ZZZ3: variants seen among roughly 807,000 people sequenced by gnomAD.
ZZZ3 encodes ZZ-type zinc finger-containing protein 3.
Under a neutral mutation model 95.2 loss-of-function variants are expected in ZZZ3, and 22 were observed. The ratio of observed to expected loss-of-function variants is 0.23; its 90% CI spans 0.17 to 0.33. The LOEUF is 0.33. Among genes scored for constraint, ZZZ3 ranks in the 10% least tolerant of loss-of-function variants. The pLI is 1.00. For synonymous variants in ZZZ3, 335 were observed against 358.9 expected (o/e 0.93, Z 0.75); for missense variants, 885 against 1,066.5 (o/e 0.83, Z 2.37).
At chr1:77,582,211 G>T in intron 6 of ZZZ3, 85 bp from the exon 7 acceptor site, 2 of 1,296,902 alleles carry the variant, frequency 1.5e-6, no homozygotes, top group South Asian at 1.6e-5. Flanking sequence ...ATTTTCAGAT[G>T]ACTCCAAATC....
intron 1 of ZZZ3, 90 bp downstream of exon 1, chr1:77,682,495 C>T (rs1305351830): frequency 1.3e-5 from 2 of 152,376 alleles, no homozygotes; most frequent in Non-Finnish European, 2.9e-5. Flanking sequence ...AATGGGGTTA[C>T]TGTATTCCCT....
At chr1:77,639,246 C>A (rs1313949068) in intron 4 of ZZZ3, among the ~76,000 whole-genome samples, 2 of 151,670 alleles carry the variant, frequency 1.3e-5, no homozygotes, top group East Asian at 1.9e-4. Context: ...TTCATTTATA[C>A]CCCATTGAAA....
intron 5 of ZZZ3, among the ~76,000 whole-genome samples, chr1:77,625,998 AAAAAAAAAG>A (rs918103284): frequency 4.6e-5 from 7 of 151,000 alleles, no homozygotes; most frequent in South Asian, 2.1e-4. Context: ...CCCTGTCTCA[AAAAAAAAAG>A]AAAAAAAAGA....
chr1:77,638,512 G>A (rs1668491941), intron 4 of ZZZ3, among the ~76,000 whole-genome samples: 1 of 152,118 alleles, frequency 6.6e-6, no homozygotes, highest in African/African-American at 2.4e-5. Flanking sequence ...TTACTTAAGA[G>A]AAAGAAATTT....
chr1:77,592,950 G>A (rs975883200), intron 5 of ZZZ3, among the ~76,000 whole-genome samples: 2 of 152,182 alleles, frequency 1.3e-5, no homozygotes, highest in Admixed American at 1.3e-4. Context: ...ATGGAAACCA[G>A]AAAGATAAAA....
intron 5 of ZZZ3, among the ~76,000 whole-genome samples, chr1:77,622,384 A>G (rs1666961806): frequency 6.6e-6 from 1 of 151,684 alleles, no homozygotes; most frequent in African/African-American, 2.4e-5. Context: ...AAAAAAAAAA[A>G]AAAACCTGAA....
intron 11 of ZZZ3, among the ~76,000 whole-genome samples, chr1:77,577,240 C>T (rs1662050445): frequency 1.3e-5 from 2 of 152,154 alleles, no homozygotes; most frequent in Non-Finnish European, 2.9e-5. Context: ...AAATACAGTA[C>T]ACCTAAGGGA....
At chr1:77,570,304 C>T (rs1391080041) in intron 12 of ZZZ3, among the ~76,000 whole-genome samples, 8 of 152,282 alleles carry the variant, frequency 5.3e-5, no homozygotes, top group African/African-American at 1.4e-4. Flanking sequence ...GGGGTTTCAC[C>T]GTGTTAGCCG....
intron 5 of ZZZ3, among the ~76,000 whole-genome samples, chr1:77,588,961 C>A (rs1301206566): frequency 6.6e-6 from 1 of 152,188 alleles, no homozygotes; most frequent in African/African-American, 2.4e-5. Context: ...CTCAATGCAG[C>A]CTCTACCTCT....
At chr1:77,599,962 T>G (rs950023509) in intron 5 of ZZZ3, among the ~76,000 whole-genome samples, 1 of 152,132 alleles carries the variant, frequency 6.6e-6, no homozygotes, top group African/African-American at 2.4e-5. Flanking sequence ...AGATGTTATT[T>G]TCTTTTGCAT....
rs10581619 is a variant in ZZZ3, at chr1:77,568,471, CAAA to C, written c.2332-8_2332-6del. 85,038 of 581,770 alleles carry C rather than the reference CAAA, an allele frequency of 0.15. 389 individuals are homozygous for C. The highest frequency in any genetic ancestry group is 0.16 in the Non-Finnish European group (66,446 of 425,234). The allele number at this position is 581,770 out of a possible 1,614,324, so 36.0% of individuals were successfully genotyped here. On this transcript the variant is annotated splice_region_variant and splice_polypyrimidine_tract_variant and intron_variant, in intron 12 of 14. Transcript: ENST00000370801. ...GATAGGAATACTTTCGTCATCCTATCAAAAAAAAAAAAAAAAAAAAATGTTGGT... is the reference window on the plus strand; with the variant it reads ...GATAGGAATACTTTCGTCATCCTATCAAAAAAAAAAAAAAAAAATGTTGGT...
intron 6 of ZZZ3, among the ~76,000 whole-genome samples, chr1:77,582,562 T>A (rs1176406214): frequency 6.6e-5 from 10 of 151,944 alleles, no homozygotes. Context: ...ATAGGCAAAT[T>A]GAGTTGGCAT....
intron 5 of ZZZ3, among the ~76,000 whole-genome samples, chr1:77,615,533 T>C (rs1214693220): frequency 6.6e-6 from 1 of 152,236 alleles, no homozygotes; most frequent in African/African-American, 2.4e-5. Flanking sequence ...CTAGAATTCT[T>C]TAGAGCCAAA....
intron 5 of ZZZ3, among the ~76,000 whole-genome samples, chr1:77,610,192 G>C (rs1665652834): frequency 6.7e-6 from 1 of 148,808 alleles, no homozygotes; most frequent in African/African-American, 2.5e-5. Context: ...AGGATCATTA[G>C]AGCAACTAAT....
chr1:77,594,985 C>CAAAGTAT (rs1271144059), intron 5 of ZZZ3, among the ~76,000 whole-genome samples: 1 of 148,012 alleles, frequency 6.8e-6, no homozygotes, highest in Admixed American at 6.7e-5. Context: ...TACTATGAGG[C>CAAAGTAT]AAAGTATAAA....
chr1:77,574,353 G>A (rs897523443), intron 12 of ZZZ3, among the ~76,000 whole-genome samples: 2 of 151,952 alleles, frequency 1.3e-5, no homozygotes, highest in East Asian at 1.9e-4. Flanking sequence ...TTTTTAACCC[G>A]CAGAAAGGAG....
intron 1 of ZZZ3, among the ~76,000 whole-genome samples, chr1:77,644,142 T>C (rs1669045026): frequency 6.6e-6 from 1 of 152,084 alleles, no homozygotes; most frequent in African/African-American, 2.4e-5. Flanking sequence ...CTCGACTCAA[T>C]GCAGCCTCTG....
intron 9 of ZZZ3, chr1:77,580,780 C>T (rs771864913): frequency 1.4e-5 from 6 of 432,416 alleles, no homozygotes; most frequent in Non-Finnish European, 1.7e-5. Flanking sequence ...TATATGCACA[C>T]GCCATCACAC....
intron 5 of ZZZ3, among the ~76,000 whole-genome samples, chr1:77,595,869 GAAGAGGGTATACTGAAAAGCAA>G (rs1379765196): frequency 6.6e-6 from 1 of 151,998 alleles, no homozygotes; most frequent in African/African-American, 2.4e-5. Flanking sequence ...AAAACTTAAA[GAAGAGGGTATACTGAAAAGCAA>G]AAGAGGGTAT....
Sources: allele counts gnomAD v4.1 joint callset (sites outside exome capture counted in the v4.1 genomes callset), GRCh38; gene constraint gnomAD v4.1.1; transcripts MANE v1.5; gene names NCBI Gene and HGNC (gene_info 2026-07-23, HGNC 2026-07-21).